Variants in ARAP1 observed in about 807,000 individuals in gnomAD.
ARAP1 encodes the protein ArfGAP with RhoGAP domain, ankyrin repeat and PH domain 1.
A neutral mutation model predicts 172.2 loss-of-function variants in ARAP1; 76 were observed. The ratio of observed to expected loss-of-function variants is 0.44; its 90% CI spans 0.37 to 0.53. The LOEUF is 0.53. Ranked by LOEUF, ARAP1 falls within the 20% of genes least tolerant of loss-of-function variation. The probability of loss-of-function intolerance (pLI) is 0.00; values close to 1 mark genes in which losing one functional copy is unlikely to be tolerated. For missense variants in ARAP1, 1,686 were observed against 1,977.5 expected, an observed-to-expected ratio of 0.85 and a Z score of 2.80; for synonymous variants, 804 against 803.3, an observed-to-expected ratio of 1.00 and a Z score of -0.01.
intron 23 of ARAP1, 141 bp from the exon 24 acceptor site, chr11:72,696,006 A>AT: frequency 9.2e-7 from 1 of 1,088,644 alleles, no homozygotes; most frequent in Non-Finnish European, 1.3e-6. Context: ...TTTTCTGGCC[A>AT]TATCTTGGGT....
At chr11:72,694,419 G>C (rs1397820235) in intron 27 of ARAP1, among the ~76,000 whole-genome samples, 2 of 151,634 alleles carry the variant, frequency 1.3e-5, no homozygotes, top group Non-Finnish European at 2.9e-5. Flanking sequence ...TCCTTGAAAG[G>C]GCTGTGCCTC....
intron 27 of ARAP1, among the ~76,000 whole-genome samples, chr11:72,694,640 C>T (rs1456739258): frequency 6.6e-6 from 1 of 152,076 alleles, no homozygotes; most frequent in African/African-American, 2.4e-5. Flanking sequence ...GTGTGTGGCT[C>T]CCTAGCCCAG....
At chr11:72,748,337 T>C (rs1243221996) in intron 1 of ARAP1, among the ~76,000 whole-genome samples, 1 of 152,038 alleles carries the variant, frequency 6.6e-6, no homozygotes, top group African/African-American at 2.4e-5. Context: ...CTGGCCAACA[T>C]GGTGAAACCC....
rs1435558176 is a variant in ARAP1, at chr11:72,695,377, C to T, written c.3576+10G>A. The stretch of plus-strand genomic sequence containing the variant: ...CTCTAGCCCCTTGGCTTCTAGGTCC[C>T]AGCACCTACCTTGATATGCTGCTCA... On this transcript the variant is annotated intron_variant, in intron 26 of 34. Transcript: ENST00000393609. This position sits in a 1 kb window ranked among gnomAD's most constrained non-coding sequence, Gnocchi z 4.4. 4 of 1,614,138 alleles carry T rather than the reference C, an allele frequency of 2.5e-6. No homozygotes were observed. The highest frequency in any genetic ancestry group is 1.1e-5 in the South Asian group (1 of 91,080).
intron 1 of ARAP1, among the ~76,000 whole-genome samples, chr11:72,737,428 C>T (rs1392892316): frequency 1.3e-5 from 2 of 152,226 alleles, no homozygotes; most frequent in Non-Finnish European, 2.9e-5. Context: ...ATCACCCCTT[C>T]TCTGTCCCAG....
chr11:72,714,190 T>A lies in ARAP1; in HGVS notation c.641A>T (p.Glu214Val). Residue 214 changes from glutamate (E) to valine (V), a missense_variant, in exon 4 of 35, where the codon GAG becomes GTG. Transcript: ENST00000393609. ...QPPSPPPCPP[E>V]IPPKPVRLFP... ...CAGGCGTACCGGCTTTGGAGGTATC[T>A]CCGGGGGGCAGGGAGGTGGAGAGGG... 1 of 1,516,426 alleles carries A rather than the reference T, an allele frequency of 6.6e-7. No individual in the cohort carries two copies. 93.9% of individuals were successfully genotyped at this position (1,516,426 alleles called of 1,614,324 possible).
chr11:72,737,457 A>G (rs1283622507), intron 1 of ARAP1, among the ~76,000 whole-genome samples: 1 of 152,064 alleles, frequency 6.6e-6, no homozygotes, highest in Non-Finnish European at 1.5e-5. Context: ...CTCCATGGTA[A>G]TATCTCTACC....
chr11:72,734,737 A>G (rs755522883), intron 1 of ARAP1, among the ~76,000 whole-genome samples: 1 of 152,082 alleles, frequency 6.6e-6, no homozygotes, highest in Non-Finnish European at 1.5e-5. Flanking sequence ...GTGCTGTCCA[A>G]TAGCAGCCAG....
intron 31 of ARAP1, 121 bp downstream of exon 31, chr11:72,688,334 C>T: frequency 1.2e-6 from 1 of 830,930 alleles, no homozygotes; most frequent in South Asian, 1.7e-5. Context: ...GTCTGGAGAC[C>T]ACACCATCAG....
chr11:72,703,784 G>C (rs1354903643), intron 14 of ARAP1: 1 of 231,120 alleles, frequency 4.3e-6, no homozygotes, highest in Non-Finnish European at 8.6e-6. Context: ...GTGTGGATGG[G>C]GATGGGTCAG....
chr11:72,696,900 T>C, intron 22 of ARAP1, 83 bp downstream of exon 22: 1 of 1,411,770 alleles, frequency 7.1e-7, no homozygotes, highest in Non-Finnish European at 9.6e-7. Context: ...GTAAGCCTAG[T>C]GCAAGTGCCA....
intron 3 of ARAP1, among the ~76,000 whole-genome samples, chr11:72,721,069 A>G (rs1265852159): frequency 6.6e-6 from 1 of 152,092 alleles, no homozygotes; most frequent in South Asian, 2.1e-4. Context: ...TCCTGGGTCC[A>G]GCCCAGGCCT....
intron 1 of ARAP1, among the ~76,000 whole-genome samples, chr11:72,751,022 G>A (rs1045913938): frequency 6.6e-6 from 1 of 152,134 alleles, no homozygotes; most frequent in Non-Finnish European, 1.5e-5. Flanking sequence ...GGTGGTGGGG[G>A]TATAAAGCTG....
chr11:72,720,337 C>G (rs967526073), intron 3 of ARAP1, among the ~76,000 whole-genome samples: 7 of 152,190 alleles, frequency 4.6e-5, no homozygotes, highest in African/African-American at 1.4e-4. Flanking sequence ...CCTCCTCCAT[C>G]ATGAGACCCA....
At chr11:72,723,133 C>T (rs1802656098) in intron 3 of ARAP1, among the ~76,000 whole-genome samples, 1 of 151,886 alleles carries the variant, frequency 6.6e-6, no homozygotes, top group South Asian at 2.1e-4. Flanking sequence ...CAAAGGAATA[C>T]CTCGTCTTTA....
In ARAP1 at chr11:72,712,494, A is replaced by G; in HGVS notation, c.822T>C (p.Ser274=). ...CTTCCTCATCCCCTTGGTCGTCCCC[A>G]GACAGTTCCTCTCCCTCGCTCAGCA... ...ASLLSEGEEL[S]GDDQGDEEED... Residue 274 remains serine (S), a synonymous_variant, in exon 6 of 35, where the codon TCT becomes TCC. Transcript: ENST00000393609. 17 of 1,613,180 alleles carry G rather than the reference A, an allele frequency of 1.1e-5. No homozygotes were observed. Among genetic ancestry groups the G allele is most frequent in the Non-Finnish European group, 1.4e-5 (17 of 1,179,512 alleles).
rs1320179309 is a variant in ARAP1 at position 72,726,435 on chromosome 11, C to T, written c.509+185G>A. ...GCAGCCCAGGCACTGCGCTGAGTAC[C>T]TGCACAGCTCTCCCCTCCTCCTGAG... On this transcript the variant is annotated intron_variant, in intron 3 of 34. Coordinates refer to ENST00000393609, the MANE Select transcript of ARAP1 (RefSeq NM_001040118.3). The surrounding 1 kb of genome is among the most constrained non-coding windows in gnomAD (Gnocchi z 6.5). 6.6e-6 allele frequency among the ~76,000 whole-genome samples: 1 copy of T among 152,204 alleles called. No individual in the cohort carries two copies. Among genetic ancestry groups the T allele is most frequent in the Non-Finnish European group, 1.5e-5 (1 of 68,042 alleles).
intron 14 of ARAP1, 28 bp downstream of exon 14, chr11:72,704,124 A>C: frequency 6.2e-7 from 1 of 1,613,678 alleles, no homozygotes; most frequent in Non-Finnish European, 8.5e-7. Context: ...GGTGGTCCCA[A>C]GGGGCCCCAG....
intron 30 of ARAP1, chr11:72,688,760 A>T (rs563292229): frequency 1.9e-6 from 1 of 525,212 alleles, no homozygotes; most frequent in South Asian, 2.3e-5. Flanking sequence ...CTGCAGCAGT[A>T]TCAGACAGTC....
Sources: allele counts gnomAD v4.1 joint callset (sites outside exome capture counted in the v4.1 genomes callset), GRCh38; gene constraint gnomAD v4.1.1; non-coding constraint Gnocchi (gnomAD v3.1); transcripts MANE v1.5; gene names NCBI Gene and HGNC (gene_info 2026-07-23, HGNC 2026-07-21).